The following PLD5 variants were observed in gnomAD, a reference collection of about 807,000 sequenced individuals.
PLD5 encodes the protein phospholipase D family member 5.
In PLD5, 36 loss-of-function variants were observed where a neutral mutation model predicts 61.1. The ratio of observed to expected loss-of-function variants is 0.59; its 90% CI spans 0.45 to 0.78. PLD5 has a LOEUF of 0.78. Among genes scored for constraint, PLD5 ranks in the 30% least tolerant of loss-of-function variants. The pLI is 0.00. For missense variants in PLD5, 515 were observed against 644.4 expected (o/e 0.80, Z 2.17); for synonymous variants, 243 against 242.8 (o/e 1.00, Z -0.01).
At chr1:242,508,744 AG>A (rs1312112935) in intron 1 of PLD5, among the ~76,000 whole-genome samples, 3 of 151,782 alleles carry the variant, frequency 2.0e-5, no homozygotes, top group African/African-American at 7.3e-5. Context: ...ATATCCAAAT[AG>A]AAAAAAAAAG....
intron 9 of PLD5, among the ~76,000 whole-genome samples, chr1:242,090,622 A>G (rs1659748111): frequency 1.3e-5 from 2 of 152,248 alleles, no homozygotes; most frequent in African/African-American, 2.4e-5. Flanking sequence ...TCCCAGACCC[A>G]GGATCCGGCC....
intron 3 of PLD5, among the ~76,000 whole-genome samples, chr1:242,279,775 A>T (rs1230370219): frequency 4.6e-5 from 7 of 151,690 alleles, no homozygotes; most frequent in Middle Eastern, 3.2e-3. Flanking sequence ...CTCGTGATCC[A>T]CCCGCCTCAG....
chr1:242,419,311 G>A (rs960923330), intron 1 of PLD5, among the ~76,000 whole-genome samples: 7 of 151,966 alleles, frequency 4.6e-5, no homozygotes, highest in Admixed American at 6.6e-5. Context: ...AAGACTCGTC[G>A]CATGACTTGT....
chr1:242,366,993 C>T (rs1430354969), intron 1 of PLD5, among the ~76,000 whole-genome samples: 7 of 151,652 alleles, frequency 4.6e-5, no homozygotes, highest in Admixed American at 4.6e-4. Context: ...CACTCTGAGC[C>T]CATATTAGCA....
At chr1:242,270,120 T>A (rs1343623114) in intron 3 of PLD5, among the ~76,000 whole-genome samples, 3 of 151,320 alleles carry the variant, frequency 2.0e-5, no homozygotes, top group Non-Finnish European at 4.4e-5. Context: ...ATGTAGACTC[T>A]AGTGCTGGCT....
chr1:242,092,158 T>C (rs1659885105), intron 9 of PLD5, among the ~76,000 whole-genome samples: 1 of 152,008 alleles, frequency 6.6e-6, no homozygotes, highest in Non-Finnish European at 1.5e-5. Flanking sequence ...GCAGGATCTC[T>C]CTCTGTTGCC....
intron 4 of PLD5, among the ~76,000 whole-genome samples, chr1:242,228,943 C>T (rs1671124488): frequency 6.6e-6 from 1 of 152,130 alleles, no homozygotes; most frequent in Admixed American, 6.5e-5. Flanking sequence ...TTCCTTCTTT[C>T]CTAAGCTATT....
At chr1:242,184,411 G>A (rs1667741663) in intron 5 of PLD5, among the ~76,000 whole-genome samples, 1 of 152,092 alleles carries the variant, frequency 6.6e-6, no homozygotes, top group Non-Finnish European at 1.5e-5. Flanking sequence ...TTGAGATGGA[G>A]TCTTGCTCTG....
At chr1:242,134,286 T>C (rs1388658476) in intron 5 of PLD5, among the ~76,000 whole-genome samples, 1 of 152,206 alleles carries the variant, frequency 6.6e-6, no homozygotes, top group East Asian at 1.9e-4. Context: ...ACAGCCATAC[T>C]ATGCTGAACA....
chr1:242,247,413 G>A (rs1672454870), intron 4 of PLD5, among the ~76,000 whole-genome samples: 1 of 152,208 alleles, frequency 6.6e-6, no homozygotes, highest in African/African-American at 2.4e-5. Context: ...AGGTTGGACA[G>A]TAAGTCACAT....
intron 1 of PLD5, among the ~76,000 whole-genome samples, chr1:242,434,707 A>G (rs1403392575): frequency 6.6e-6 from 1 of 152,036 alleles, no homozygotes; most frequent in Non-Finnish European, 1.5e-5. Flanking sequence ...TCCGCCTCCC[A>G]GCTTCACGTC....
At chr1:242,482,818 G>C (rs1485946012) in intron 1 of PLD5, among the ~76,000 whole-genome samples, 1 of 152,164 alleles carries the variant, frequency 6.6e-6, no homozygotes, top group East Asian at 1.9e-4. Flanking sequence ...GAAAGGTCGT[G>C]TTACCCACAA....
At chr1:242,275,431 T>C (rs961212237) in intron 3 of PLD5, among the ~76,000 whole-genome samples, 6 of 152,182 alleles carry the variant, frequency 3.9e-5, no homozygotes, top group African/African-American at 1.4e-4. Context: ...ATACAAAGTT[T>C]GCCACAGATA....
intron 5 of PLD5, among the ~76,000 whole-genome samples, chr1:242,135,073 A>G (rs968321422): frequency 1.6e-4 from 25 of 152,188 alleles, no homozygotes; most frequent in Non-Finnish European, 5.9e-5. Flanking sequence ...GTAACTGACA[A>G]ATTCCTTAGC....
intron 1 of PLD5, among the ~76,000 whole-genome samples, chr1:242,432,994 C>CA (rs1665800133): frequency 6.6e-6 from 1 of 151,970 alleles, no homozygotes; most frequent in Non-Finnish European, 1.5e-5. Context: ...TGGCAGATGG[C>CA]AAGGAGCACA....
intron 1 of PLD5, among the ~76,000 whole-genome samples, chr1:242,494,738 C>G (rs1293962858): frequency 2.0e-5 from 3 of 152,160 alleles, no homozygotes; most frequent in South Asian, 4.1e-4. Context: ...GAACTTCACC[C>G]TATTATCACC....
intron 1 of PLD5, among the ~76,000 whole-genome samples, chr1:242,498,243 G>A (rs902216418): frequency 4.6e-5 from 7 of 152,298 alleles, no homozygotes; most frequent in South Asian, 2.1e-4. Flanking sequence ...GATTACAGGC[G>A]TGAGCCACCG....
intron 1 of PLD5, among the ~76,000 whole-genome samples, chr1:242,455,825 G>A (rs1350208428): frequency 2.0e-5 from 3 of 152,200 alleles, no homozygotes; most frequent in African/African-American, 7.2e-5. Context: ...CAACAGAAGT[G>A]TCCCAAAGAT....
chr1:242,515,600 CAT>C (rs1669079610), intron 1 of PLD5, among the ~76,000 whole-genome samples: 2 of 152,348 alleles, frequency 1.3e-5, no homozygotes, highest in South Asian at 4.1e-4. Context: ...GAGTCATTCA[CAT>C]TATTGCATGC....
Sources: gnomAD v4.1 joint callset for allele counts (sites outside exome capture counted in the v4.1 genomes callset) on GRCh38, gnomAD v4.1.1 for gene constraint, MANE v1.5 for transcripts, NCBI Gene and HGNC (gene_info 2026-07-23, HGNC 2026-07-21) for gene names.